Variants in RUNX2 observed in about 807,000 individuals in gnomAD.
RUNX2 encodes runt-related transcription factor 2.
Under a neutral mutation model 51.7 loss-of-function variants are expected in RUNX2, and 10 were observed. That is an observed-to-expected ratio of 0.19 (90% CI 0.12 to 0.33). The LOEUF (loss-of-function observed/expected upper bound fraction) is 0.33, where lower values mean the gene tolerates loss of function less well. RUNX2 is among the 10% of genes least tolerant of loss of function. The pLI, the probability that RUNX2 is intolerant of heterozygous loss-of-function variation, is 1.00. For missense variants in RUNX2, 562 were observed against 691.3 expected (o/e 0.81, Z 2.10); for synonymous variants, 276 against 273.6 (o/e 1.01, Z -0.09).
At chr6:45,434,573 G>A (rs1216283979) in intron 4 of RUNX2, among the ~76,000 whole-genome samples, 1 of 152,128 alleles carries the variant, frequency 6.6e-6, no homozygotes, top group Non-Finnish European at 1.5e-5. Context: ...ACTTTTGAAA[G>A]TGCTAGAATA....
intron 4 of RUNX2, among the ~76,000 whole-genome samples, chr6:45,433,639 G>A (rs1176110683): frequency 6.6e-6 from 1 of 152,064 alleles, no homozygotes; most frequent in Admixed American, 6.5e-5. Context: ...ATCAATTTAA[G>A]TAGAAAGTAT....
intron 7 of RUNX2, among the ~76,000 whole-genome samples, chr6:45,513,172 A>C (rs1032075636): frequency 6.6e-6 from 1 of 152,166 alleles, no homozygotes; most frequent in African/African-American, 2.4e-5. Flanking sequence ...CAAACTGACA[A>C]GTAGAGAAAA....
intron 2 of RUNX2, among the ~76,000 whole-genome samples, chr6:45,396,343 A>G (rs1254976652): frequency 6.6e-6 from 1 of 152,196 alleles, no homozygotes; most frequent in Non-Finnish European, 1.5e-5. Context: ...GAGATGTGTA[A>G]CCATCACCAT....
intron 3 of RUNX2, among the ~76,000 whole-genome samples, chr6:45,431,216 T>A (rs1355000615): frequency 6.6e-6 from 1 of 152,174 alleles, no homozygotes; most frequent in Non-Finnish European, 1.5e-5. Context: ...TTTTTTCTTA[T>A]TTATCATCAA....
intron 5 of RUNX2, among the ~76,000 whole-genome samples, chr6:45,489,410 A>G (rs758890155): frequency 1.3e-5 from 2 of 152,204 alleles, no homozygotes; most frequent in Non-Finnish European, 2.9e-5. Context: ...GTACTCACAC[A>G]TGTACAGTCT....
At chr6:45,336,729 G>A (rs1042586171) in intron 2 of RUNX2, among the ~76,000 whole-genome samples, 1 of 151,084 alleles carries the variant, frequency 6.6e-6, no homozygotes, top group Non-Finnish European at 1.5e-5. Context: ...TACTTACAAA[G>A]TAAATACATA....
chr6:45,421,615 G>A (rs1480224751), intron 2 of RUNX2: 1 of 152,276 alleles, frequency 6.6e-6, no homozygotes, highest in Admixed American at 6.5e-5. Flanking sequence ...GGGCTCTCTG[G>A]TGTCTCGGCT....
At chr6:45,480,605 A>G (rs1305113158) in intron 5 of RUNX2, among the ~76,000 whole-genome samples, 1 of 152,236 alleles carries the variant, frequency 6.6e-6, no homozygotes, top group Non-Finnish European at 1.5e-5. Context: ...GAAGACACTG[A>G]CATGTGCCTA....
At chr6:45,438,859 A>G (rs1185592235) in intron 5 of RUNX2, among the ~76,000 whole-genome samples, 1 of 152,078 alleles carries the variant, frequency 6.6e-6, no homozygotes, top group Non-Finnish European at 1.5e-5. Flanking sequence ...TATATAAACC[A>G]TTAACAATTG....
At chr6:45,445,281 C>T (rs1236215415) in intron 5 of RUNX2, among the ~76,000 whole-genome samples, 1 of 152,154 alleles carries the variant, frequency 6.6e-6, no homozygotes, top group African/African-American at 2.4e-5. Context: ...GCCTCAGCTT[C>T]CCAAAATGTT....
intron 5 of RUNX2, among the ~76,000 whole-genome samples, chr6:45,473,633 G>A (rs1799870596): frequency 6.6e-6 from 1 of 152,234 alleles, no homozygotes; most frequent in Non-Finnish European, 1.5e-5. Flanking sequence ...GCAGGCATGT[G>A]TGGACCACAC....
chr6:45,422,205 C>T lies in RUNX2; in HGVS notation c.59-388C>T. The T allele has an allele frequency of 1.8e-5, 4 of 220,040 alleles. No individual in the cohort carries two copies. The South Asian group carries it at 2.4e-4, about 13-fold the overall frequency. 13.6% of individuals were successfully genotyped at this position (220,040 alleles called of 1,614,324 possible). On this transcript the variant is annotated intron_variant, in intron 2 of 8. Coordinates refer to ENST00000647337, the MANE Select transcript of RUNX2 (RefSeq NM_001024630.4). Reference sequence around the variant, plus strand: ...CTCCAACTGGGAGGGGGCGCCAGCGCACCCAGGACGCGGTGCCCCAAGGGA... The same window carrying T: ...CTCCAACTGGGAGGGGGCGCCAGCGTACCCAGGACGCGGTGCCCCAAGGGA...
At chr6:45,400,291 G>T (rs546002606) in intron 2 of RUNX2, among the ~76,000 whole-genome samples, 1 of 152,158 alleles carries the variant, frequency 6.6e-6, no homozygotes, top group African/African-American at 2.4e-5. Context: ...GGAAGGTGGA[G>T]AAAAGAGAGG....
rs192947547 is a variant in RUNX2 at position 45,399,799 on chromosome 6, G to A, written c.59-22794G>A. 8.1e-4 allele frequency among the ~76,000 whole-genome samples: 121 copies of A among 149,978 alleles called. 1 individual carries two copies. The highest frequency in any genetic ancestry group is 3.5e-3 in the Middle Eastern group (1 of 284). On this transcript the variant is annotated intron_variant, in intron 2 of 8. Coordinates refer to ENST00000647337, the MANE Select transcript of RUNX2 (RefSeq NM_001024630.4). ...GGAGGGAGGGAGGAAAGGAGGGAAG[G>A]AAGGAAGGAGGGAGGGAAGTAAGGA... is the stretch of plus-strand genomic sequence containing the variant.
At chr6:45,404,633 G>A (rs1439520678) in intron 2 of RUNX2, among the ~76,000 whole-genome samples, 1 of 152,200 alleles carries the variant, frequency 6.6e-6, no homozygotes, top group Non-Finnish European at 1.5e-5. Flanking sequence ...CCTGTCTGCA[G>A]CATATTAGAC....
chr6:45,425,812 G>C (rs1307334095), intron 3 of RUNX2, among the ~76,000 whole-genome samples: 1 of 152,156 alleles, frequency 6.6e-6, no homozygotes, highest in African/African-American at 2.4e-5. Flanking sequence ...ATTTGGCCAT[G>C]ATATTTAGAG....
At position 45,422,774 on chromosome 6, in the gene RUNX2, G is replaced by A. The variant is rs6921145; in HGVS notation, c.240G>A (p.Ala80=). ...AGGCGGCGGCGGCGGCTGCGGCGGCGGCGGCGGCTGCGGCGGCGGCAGCTG... is the reference window on the plus strand; with the variant it reads ...AGGCGGCGGCGGCGGCTGCGGCGGCAGCGGCGGCTGCGGCGGCGGCAGCTG... ...QQEAAAAAAA[A]AAAAAAAAAV... is the part of the protein sequence containing the mutation. Residue 80 remains alanine (A), a synonymous_variant, in exon 3 of 9, where the codon GCG becomes GCA. Coordinates refer to ENST00000647337, the MANE Select transcript of RUNX2 (RefSeq NM_001024630.4). 150,822 of 1,487,112 alleles carry A rather than the reference G, an allele frequency of 0.1. 8,793 individuals are homozygous for A. Among genetic ancestry groups the A allele is most frequent in the South Asian group, 0.2 (14,815 of 74,684 alleles). 92.1% of individuals were successfully genotyped at this position (1,487,112 alleles called of 1,614,324 possible).
intron 2 of RUNX2, among the ~76,000 whole-genome samples, chr6:45,392,497 T>C (rs1351055555): frequency 6.6e-6 from 1 of 152,108 alleles, no homozygotes; most frequent in Non-Finnish European, 1.5e-5. Context: ...TGAGATTCTG[T>C]CCCTAATAAA....
intron 2 of RUNX2, among the ~76,000 whole-genome samples, chr6:45,397,311 G>A (rs547207761): frequency 4.6e-5 from 7 of 151,894 alleles, no homozygotes; most frequent in Admixed American, 2.0e-4. Context: ...GGGTTTCAAC[G>A]TCTTAGCCAG....
Sources: gnomAD v4.1 joint callset for allele counts (sites outside exome capture counted in the v4.1 genomes callset) on GRCh38, gnomAD v4.1.1 for gene constraint, MANE v1.5 for transcripts, NCBI Gene and HGNC (gene_info 2026-07-23, HGNC 2026-07-21) for gene names.